The following ARHGAP26 variants were observed in gnomAD, a reference collection of about 807,000 sequenced individuals.
ARHGAP26 encodes Rho GTPase activating protein 26, also known as rho GTPase-activating protein 26.
Under a neutral mutation model 104.8 loss-of-function variants are expected in ARHGAP26, and 38 were observed. The ratio of observed to expected loss-of-function variants is 0.36; its 90% CI spans 0.28 to 0.48. ARHGAP26 has a LOEUF of 0.48. Ranked by LOEUF, ARHGAP26 falls within the 20% of genes least tolerant of loss-of-function variation. The probability of loss-of-function intolerance (pLI) is 0.99; values close to 1 mark genes in which losing one functional copy is unlikely to be tolerated. For missense variants in ARHGAP26, 704 were observed against 947.9 expected, an observed-to-expected ratio of 0.74 and a Z score of 3.38; for synonymous variants, 341 against 340.0, an observed-to-expected ratio of 1.00 and a Z score of -0.03.
At chr5:143,206,925 A>G (rs932748193) in intron 20 of ARHGAP26, among the ~76,000 whole-genome samples, 1 of 152,210 alleles carries the variant, frequency 6.6e-6, no homozygotes, top group East Asian at 1.9e-4. Flanking sequence ...ATTTGTCGCC[A>G]ATGTACATGA....
intron 14 of ARHGAP26, among the ~76,000 whole-genome samples, chr5:143,042,908 G>A (rs1399661799): frequency 6.6e-6 from 1 of 152,072 alleles, no homozygotes; most frequent in African/African-American, 2.4e-5. Flanking sequence ...TATTTGCGAG[G>A]TACTCTAGCA....
intron 17 of ARHGAP26, among the ~76,000 whole-genome samples, chr5:143,062,690 C>A (rs1258580206): frequency 1.3e-5 from 2 of 152,014 alleles, no homozygotes; most frequent in Non-Finnish European, 2.9e-5. Flanking sequence ...GCATTGGCAC[C>A]AAGGAGGATG....
At chr5:142,825,180 T>G (rs1287920710) in intron 1 of ARHGAP26, among the ~76,000 whole-genome samples, 1 of 152,238 alleles carries the variant, frequency 6.6e-6, no homozygotes, top group Non-Finnish European at 1.5e-5. Flanking sequence ...TGTAAGGATT[T>G]AAACCAGGTT....
intron 20 of ARHGAP26, among the ~76,000 whole-genome samples, chr5:143,201,239 G>T (rs114598058): frequency 4.6e-5 from 7 of 152,102 alleles, no homozygotes; most frequent in Non-Finnish European, 1.0e-4. Flanking sequence ...GCCTAGATGT[G>T]GGGGCCTGGC....
At chr5:142,899,782 T>A in intron 6 of ARHGAP26, among the ~76,000 whole-genome samples, 1 of 151,930 alleles carries the variant, frequency 6.6e-6, no homozygotes, top group Middle Eastern at 3.2e-3. Flanking sequence ...AATAGCAATA[T>A]GTTAAGGAGT....
At chr5:142,906,593 G>A (rs1009460065) in intron 8 of ARHGAP26, among the ~76,000 whole-genome samples, 4 of 152,150 alleles carry the variant, frequency 2.6e-5, no homozygotes, top group African/African-American at 9.7e-5. Flanking sequence ...TTTTGTTCAG[G>A]AGGCTATAAT....
intron 17 of ARHGAP26, among the ~76,000 whole-genome samples, chr5:143,115,089 T>G (rs1795256409): frequency 1.3e-5 from 2 of 151,850 alleles, no homozygotes; most frequent in Admixed American, 6.5e-5. Flanking sequence ...TTCCAGCACT[T>G]TGGGAGGCTG....
intron 1 of ARHGAP26, among the ~76,000 whole-genome samples, chr5:142,851,449 G>A (rs1212285433): frequency 6.6e-6 from 1 of 152,220 alleles, no homozygotes; most frequent in Non-Finnish European, 1.5e-5. Flanking sequence ...TAGCTTGTTA[G>A]CAAACATTAT....
chr5:143,005,880 C>G (rs1448399266), intron 11 of ARHGAP26, among the ~76,000 whole-genome samples: 2 of 152,140 alleles, frequency 1.3e-5, no homozygotes, highest in Non-Finnish European at 2.9e-5. Context: ...GGGCCATTTT[C>G]TAAGAGACTG....
At chr5:142,856,615 A>G (rs1205415737) in intron 1 of ARHGAP26, among the ~76,000 whole-genome samples, 3 of 152,240 alleles carry the variant, frequency 2.0e-5, no homozygotes, top group Admixed American at 2.0e-4. Context: ...AGTTCAGTCA[A>G]CTGCGGATGG....
At chr5:143,165,964 T>A (rs1013039999) in intron 20 of ARHGAP26, 2 of 1,209,180 alleles carry the variant, frequency 1.7e-6, no homozygotes, top group African/African-American at 3.2e-5. Flanking sequence ...GGCTTCTGGC[T>A]CATAATCAGG....
At chr5:142,890,526 G>A (rs149435298) in intron 5 of ARHGAP26, among the ~76,000 whole-genome samples, 1 of 151,906 alleles carries the variant, frequency 6.6e-6, no homozygotes, top group African/African-American at 2.4e-5. Flanking sequence ...CCTTGAAGGG[G>A]ACCATGAGAC....
chr5:143,074,167 A>G (rs1307812863), intron 17 of ARHGAP26, among the ~76,000 whole-genome samples: 1 of 152,114 alleles, frequency 6.6e-6, no homozygotes, highest in African/African-American at 2.4e-5. Flanking sequence ...TGACTTCCTT[A>G]GACATTAATT....
intron 21 of ARHGAP26, among the ~76,000 whole-genome samples, chr5:143,208,065 C>T (rs1808861219): frequency 6.6e-6 from 1 of 152,228 alleles, no homozygotes; most frequent in Non-Finnish European, 1.5e-5. Flanking sequence ...GTCCTGGGAA[C>T]AGGCACTACC....
chr5:142,850,431 A>AAAC lies in ARHGAP26; in HGVS notation c.155-22951_155-22949dup, dbSNP rs568007547. Among the ~76,000 whole-genome samples the AAAC allele has an allele frequency of 2.2e-3, 337 of 152,280 alleles. 3 individuals are homozygous for AAAC. Among genetic ancestry groups the AAAC allele is most frequent in the African/African-American group, 7.7e-3 (319 of 41,572 alleles). On this transcript the variant is annotated intron_variant, in intron 1 of 22. Coordinates refer to ENST00000645722, the MANE Select transcript of ARHGAP26 (RefSeq NM_001135608.3). ...TTCTTTTTCTTGCAACCAGCATTAA[A>AAAC]AACAACAACAACAACAACAAAACAC...
chr5:142,920,176 G>C (rs1763014115), intron 10 of ARHGAP26, among the ~76,000 whole-genome samples: 1 of 152,194 alleles, frequency 6.6e-6, no homozygotes, highest in South Asian at 2.1e-4. Flanking sequence ...AGAGGATTTA[G>C]TGTAAAATTT....
At position 142,770,698 on chromosome 5, in the gene ARHGAP26, T is replaced by G. The variant is rs1440564863; in HGVS notation, c.-64T>G. On this transcript the variant is annotated 5_prime_UTR_variant, in exon 1 of 23. Coordinates refer to ENST00000645722, the MANE Select transcript of ARHGAP26 (RefSeq NM_001135608.3). ...GGCCGGGGTCCCGCCGCGTGAGTGC[T>G]CTGGGCGGCGGGCGGCCCGGGCCCC... 2.0e-5 allele frequency: 22 copies of G among 1,082,050 alleles called. No homozygotes were observed. Among genetic ancestry groups the G allele is most frequent in the Non-Finnish European group, 2.3e-6 (2 of 886,424 alleles). 67.0% of individuals were successfully genotyped at this position (1,082,050 alleles called of 1,614,324 possible). A position where few individuals can be genotyped will look rare whatever the true frequency, so the allele number is the denominator to read the frequency against.
chr5:142,785,010 T>A (rs1405038343), intron 1 of ARHGAP26, among the ~76,000 whole-genome samples: 1 of 148,244 alleles, frequency 6.7e-6, no homozygotes, highest in Non-Finnish European at 1.5e-5. Flanking sequence ...CACTGCAAGC[T>A]CCGCCTCCCT....
intron 11 of ARHGAP26, among the ~76,000 whole-genome samples, chr5:142,982,423 CAG>C (rs1774073736): frequency 1.3e-5 from 2 of 152,144 alleles, no homozygotes; most frequent in South Asian, 2.1e-4. Flanking sequence ...TGGGGCAGGA[CAG>C]GGGGTGTCTT....
Sources: allele counts gnomAD v4.1 joint callset (sites outside exome capture counted in the v4.1 genomes callset), GRCh38; gene constraint gnomAD v4.1.1; transcripts MANE v1.5; gene names NCBI Gene and HGNC (gene_info 2026-07-23, HGNC 2026-07-21).